SSBP2: variants seen among roughly 807,000 people sequenced by gnomAD.
The protein encoded by SSBP2 is single-stranded DNA-binding protein 2.
Under a neutral mutation model 61.8 loss-of-function variants are expected in SSBP2, and 17 were observed. The observed-to-expected ratio is 0.28, with a 90% CI of 0.19 to 0.41. The LOEUF is 0.41. SSBP2 is among the 10% of genes least tolerant of loss of function. The pLI is 1.00. For missense variants in SSBP2, 310 were observed against 458.7 expected (o/e 0.68, Z 2.96); for synonymous variants, 139 against 141.3 (o/e 0.98, Z 0.12).
chr5:81,420,069 G>C lies in SSBP2; in HGVS notation c.*435C>G, dbSNP rs1335729464. On this transcript the variant is annotated 3_prime_UTR_variant, in exon 17 of 17. Transcript: ENST00000320672. ...TACACAGCACAAAATAGTTCAGGGA[G>C]GGGGCAGGAGCAACTTGTAATAATT... 6.3e-6 allele frequency: 1 copy of C among 157,794 alleles called. No individual in the cohort carries two copies. The highest frequency in any genetic ancestry group is 1.4e-5 in the Non-Finnish European group (1 of 71,722). The allele number at this position is 157,794 out of a possible 1,614,324, so 9.8% of individuals were successfully genotyped here.
intron 4 of SSBP2, among the ~76,000 whole-genome samples, chr5:81,572,664 GGTAAA>G (rs1277919945): frequency 6.6e-6 from 1 of 152,104 alleles, no homozygotes; most frequent in Admixed American, 6.5e-5. Flanking sequence ...ATTTAACAGA[GGTAAA>G]GTAATTTGTC....
At chr5:81,499,414 A>T (rs917924180) in intron 5 of SSBP2, among the ~76,000 whole-genome samples, 13 of 152,224 alleles carry the variant, frequency 8.5e-5, no homozygotes, top group African/African-American at 2.9e-4. Flanking sequence ...AGTCTTCATT[A>T]CCAGGTACTC....
intron 4 of SSBP2, among the ~76,000 whole-genome samples, chr5:81,576,562 T>C (rs1561557102): frequency 6.6e-6 from 1 of 152,082 alleles, no homozygotes; most frequent in African/African-American, 2.4e-5. Flanking sequence ...GTGTACTTAC[T>C]TAACCAACTA....
At chr5:81,641,915 C>T (rs1305680537) in intron 2 of SSBP2, among the ~76,000 whole-genome samples, 2 of 151,608 alleles carry the variant, frequency 1.3e-5, no homozygotes, top group Non-Finnish European at 2.9e-5. Flanking sequence ...AGCATAAAAC[C>T]TTTCTGCTTG....
intron 4 of SSBP2, among the ~76,000 whole-genome samples, chr5:81,528,024 T>C (rs529851952): frequency 1.3e-5 from 2 of 152,064 alleles, no homozygotes; most frequent in South Asian, 4.1e-4. Flanking sequence ...TAGTAAACTA[T>C]GAATAAGAAT....
intron 3 of SSBP2, among the ~76,000 whole-genome samples, chr5:81,634,287 A>T (rs1297323852): frequency 6.6e-6 from 1 of 152,230 alleles, no homozygotes; most frequent in Non-Finnish European, 1.5e-5. Context: ...CCAGGTCTTC[A>T]GATAAACTCA....
chr5:81,480,976 T>C (rs913960613), intron 6 of SSBP2, among the ~76,000 whole-genome samples: 10 of 152,220 alleles, frequency 6.6e-5, no homozygotes, highest in South Asian at 4.1e-4. Context: ...TTGTTGCTCA[T>C]CCATGAGAAG....
chr5:81,478,234 T>A (rs1440376223), intron 6 of SSBP2, among the ~76,000 whole-genome samples: 1 of 152,116 alleles, frequency 6.6e-6, no homozygotes, highest in East Asian at 1.9e-4. Flanking sequence ...TGATCATAGA[T>A]CACTGCAGCC....
At chr5:81,737,338 T>G (rs1756690752) in intron 1 of SSBP2, among the ~76,000 whole-genome samples, 1 of 151,350 alleles carries the variant, frequency 6.6e-6, no homozygotes, top group Non-Finnish European at 1.5e-5. Flanking sequence ...CAGTTAAGTC[T>G]TCTCTCTATG....
intron 1 of SSBP2, among the ~76,000 whole-genome samples, chr5:81,672,477 C>G (rs1048339323): frequency 2.6e-5 from 4 of 151,714 alleles, no homozygotes; most frequent in African/African-American, 7.3e-5. Flanking sequence ...ACATATGAAG[C>G]CAAAATAATC....
chr5:81,499,637 A>T (rs961207816), intron 5 of SSBP2, among the ~76,000 whole-genome samples: 1 of 152,226 alleles, frequency 6.6e-6, no homozygotes, highest in African/African-American at 2.4e-5. Context: ...TTAAAATGAC[A>T]ATGACAGATT....
chr5:81,682,243 A>G lies in SSBP2; in HGVS notation c.63-31904T>C, dbSNP rs114022358. 8.3e-3 allele frequency among the ~76,000 whole-genome samples: 1,267 copies of G among 152,330 alleles called. 27 individuals carry two copies. The highest frequency in any genetic ancestry group is 0.029 in the African/African-American group (1,214 of 41,576). On this transcript the variant is annotated intron_variant, in intron 1 of 16. Transcript: ENST00000320672. ...CAAAACCAGACAAAGACATTACAAG[A>G]AAAGAACATGACAGACCAATATCTC...
At chr5:81,468,661 G>A (rs1765049196) in intron 8 of SSBP2, among the ~76,000 whole-genome samples, 1 of 151,980 alleles carries the variant, frequency 6.6e-6, no homozygotes, top group South Asian at 2.1e-4. Context: ...TGGCCTTTAA[G>A]TAGTAGGTGC....
chr5:81,433,174 A>G (rs1762446241), intron 15 of SSBP2, among the ~76,000 whole-genome samples: 1 of 152,024 alleles, frequency 6.6e-6, no homozygotes, highest in African/African-American at 2.4e-5. Flanking sequence ...AAAGGGGGAA[A>G]GGTGGGGAAA....
chr5:81,678,879 C>T (rs186517261), intron 1 of SSBP2, among the ~76,000 whole-genome samples: 54 of 151,906 alleles, frequency 3.6e-4, no homozygotes, highest in Non-Finnish European at 4.4e-5. Flanking sequence ...TGCCAGCAGA[C>T]CTACTTTGAA....
chr5:81,642,098 G>A (rs977410238), intron 2 of SSBP2, among the ~76,000 whole-genome samples: 1 of 152,118 alleles, frequency 6.6e-6, no homozygotes, highest in Non-Finnish European at 1.5e-5. Context: ...ATTAATGATG[G>A]GTGGTATTGA....
At chr5:81,498,629 T>G (rs912508181) in intron 5 of SSBP2, among the ~76,000 whole-genome samples, 9 of 152,078 alleles carry the variant, frequency 5.9e-5, no homozygotes, top group African/African-American at 2.2e-4. Context: ...TTATTATTCA[T>G]GATGTGCCCT....
intron 4 of SSBP2, chr5:81,615,166 A>G (rs976063841): frequency 5.0e-6 from 1 of 199,786 alleles, no homozygotes; most frequent in African/African-American, 2.4e-5. Context: ...GTTTTTGTAG[A>G]ATAAAAAAAT....
chr5:81,686,074 TC>T (rs1216802446), intron 1 of SSBP2, among the ~76,000 whole-genome samples: 1 of 152,150 alleles, frequency 6.6e-6, no homozygotes, highest in Non-Finnish European at 1.5e-5. Context: ...AAAGAAGAAA[TC>T]AACTTAATCC....
Sources: gnomAD v4.1 joint callset for allele counts (sites outside exome capture counted in the v4.1 genomes callset) on GRCh38, gnomAD v4.1.1 for gene constraint, MANE v1.5 for transcripts, NCBI Gene and HGNC (gene_info 2026-07-23, HGNC 2026-07-21) for gene names.